The following CACNA1E variants were observed in gnomAD, a reference collection of about 807,000 sequenced individuals.
CACNA1E encodes the protein calcium voltage-gated channel subunit alpha1 E.
CACNA1E carries 40 observed loss-of-function variants against 259.2 expected under a neutral mutation model. That is an observed-to-expected ratio of 0.15 (90% CI 0.12 to 0.20). CACNA1E has a LOEUF of 0.20. Among genes scored for constraint, CACNA1E ranks in the 10% least tolerant of loss-of-function variants. The pLI is 1.00. For missense variants in CACNA1E, 1,874 were observed against 3,040.1 expected (o/e 0.62, Z 9.02); for synonymous variants, 1,104 against 1,138.5 (o/e 0.97, Z 0.61).
At chr1:181,544,976 G>A (rs1048535693) in intron 3 of CACNA1E, among the ~76,000 whole-genome samples, 16 of 152,208 alleles carry the variant, frequency 1.1e-4, no homozygotes, top group South Asian at 2.1e-4. Context: ...AATCTTCTGA[G>A]GTTCTTGTTT....
chr1:181,438,097 G>A (rs1469659819), intron 2 of CACNA1E, among the ~76,000 whole-genome samples: 1 of 152,158 alleles, frequency 6.6e-6, no homozygotes, highest in Non-Finnish European at 1.5e-5. Context: ...ACAGTTAAGG[G>A]AGGTGTGTGG....
intron 2 of CACNA1E, among the ~76,000 whole-genome samples, chr1:181,426,623 AAC>A (rs1659243225): frequency 7.1e-6 from 1 of 141,544 alleles, no homozygotes; most frequent in Non-Finnish European, 1.5e-5. Flanking sequence ...ACCCCTTCCC[AAC>A]TCAACCCCTT....
At chr1:181,405,149 G>C (rs565362915) in intron 1 of CACNA1E, among the ~76,000 whole-genome samples, 1 of 152,204 alleles carries the variant, frequency 6.6e-6, no homozygotes, top group African/African-American at 2.4e-5. Context: ...CAGTACCAAC[G>C]TACTCCCTTT....
chr1:181,780,318 T>G (rs1660315360), intron 38 of CACNA1E, among the ~76,000 whole-genome samples: 1 of 152,198 alleles, frequency 6.6e-6, no homozygotes, highest in African/African-American at 2.4e-5. Flanking sequence ...ACCAAGGATA[T>G]TGTTCAGGGG....
chr1:181,715,281 C>A, intron 8 of CACNA1E, 57 bp from the exon 9 acceptor site: 2 of 1,074,622 alleles, frequency 1.9e-6, no homozygotes, highest in Non-Finnish European at 2.8e-6. Flanking sequence ...GGATTTTAAT[C>A]TTGCAGAATA....
chr1:181,446,009 G>C (rs1660766049), intron 2 of CACNA1E, among the ~76,000 whole-genome samples: 1 of 152,142 alleles, frequency 6.6e-6, no homozygotes, highest in East Asian at 1.9e-4. Flanking sequence ...TTCTGCAAAT[G>C]ACTGTCACTC....
rs1317105349 is a variant in CACNA1E, at chr1:181,794,950, C to T, written c.6114C>T (p.Ser2038=). Residue 2038 remains serine (S), a synonymous_variant, in exon 46 of 48, where the codon TCC becomes TCT. Transcript: ENST00000367573. ...RSNSSWLEEF[S]MERSSENTYK... ...ATTCCTCGTGGTTGGAGGAATTCTC[C>T]ATGGAGCGAAGCAGTGAAAATACCT... The T allele has an allele frequency of 6.2e-7, 1 of 1,613,890 alleles. No homozygotes were observed. Among genetic ancestry groups the T allele is most frequent in the East Asian group, 2.2e-5 (1 of 44,870 alleles).
intron 2 of CACNA1E, among the ~76,000 whole-genome samples, chr1:181,434,324 AT>A (rs1208526345): frequency 6.6e-6 from 1 of 151,940 alleles, no homozygotes; most frequent in Non-Finnish European, 1.5e-5. Context: ...AAGTGGCTTA[AT>A]TTTTTTTACT....
chr1:181,582,987 A>G (rs988565586), intron 6 of CACNA1E, among the ~76,000 whole-genome samples: 4 of 152,072 alleles, frequency 2.6e-5, no homozygotes, highest in African/African-American at 7.2e-5. Context: ...CAGTCATTGA[A>G]CTTGAGTTTA....
intron 2 of CACNA1E, among the ~76,000 whole-genome samples, chr1:181,449,447 C>A (rs752211175): frequency 1.1e-4 from 16 of 152,216 alleles, no homozygotes; most frequent in Admixed American, 2.0e-4. Flanking sequence ...GACAGGCTGG[C>A]AGCACACCAC....
At chr1:181,419,707 C>A (rs1484410135) in intron 2 of CACNA1E, among the ~76,000 whole-genome samples, 1 of 152,160 alleles carries the variant, frequency 6.6e-6, no homozygotes, top group Admixed American at 6.5e-5. Flanking sequence ...ATGAAGTAAA[C>A]ATATTGAGGG....
intron 11 of CACNA1E, 70 bp from the exon 12 acceptor site, chr1:181,717,985 G>A: frequency 1.4e-6 from 1 of 724,892 alleles, no homozygotes; most frequent in East Asian, 2.6e-5. Context: ...CTGTAGGTGG[G>A]TGTGTTAGCT....
chr1:181,682,487 T>A (rs1312948461), intron 7 of CACNA1E, among the ~76,000 whole-genome samples: 1 of 152,114 alleles, frequency 6.6e-6, no homozygotes, highest in African/African-American at 2.4e-5. Context: ...ACTCTCATTG[T>A]CCCTCCCAGC....
At chr1:181,620,113 C>A (rs969264191) in intron 6 of CACNA1E, among the ~76,000 whole-genome samples, 3 of 152,002 alleles carry the variant, frequency 2.0e-5, no homozygotes, top group Non-Finnish European at 4.4e-5. Flanking sequence ...TAGTATATGG[C>A]CAAGATAGGG....
chr1:181,483,501 C>CTT (rs111237511), upstream of CACNA1E: 349 of 210,740 alleles, frequency 1.7e-3, 1 homozygote, highest in African/African-American at 6.6e-3. Context: ...TTTCTTTTTT[C>CTT]TTTTTTTTTT....
At chr1:181,334,840 A>G (rs911623123) in intron 1 of CACNA1E, among the ~76,000 whole-genome samples, 6 of 152,184 alleles carry the variant, frequency 3.9e-5, no homozygotes, top group South Asian at 4.1e-4. Context: ...GAAACCATCC[A>G]GTGTCTTCCC....
intron 1 of CACNA1E, among the ~76,000 whole-genome samples, chr1:181,331,210 T>C (rs1348027568): frequency 6.7e-6 from 1 of 149,982 alleles, no homozygotes; most frequent in Non-Finnish European, 1.5e-5. Context: ...AGAGAATCAA[T>C]AGGAGATAGA....
At chr1:181,515,551 AAC>A (rs1439717828) in intron 3 of CACNA1E, among the ~76,000 whole-genome samples, 18 of 152,326 alleles carry the variant, frequency 1.2e-4, no homozygotes, top group African/African-American at 4.3e-4. Context: ...CCATTCTTTT[AAC>A]ACATTCTTAT....
intron 3 of CACNA1E, among the ~76,000 whole-genome samples, chr1:181,546,335 C>G (rs1647470651): frequency 6.6e-6 from 1 of 152,158 alleles, no homozygotes; most frequent in African/African-American, 2.4e-5. Context: ...TGCCCTTCCT[C>G]TGCCTTATGG....
Sources: gnomAD v4.1 joint callset for allele counts (sites outside exome capture counted in the v4.1 genomes callset) on GRCh38, gnomAD v4.1.1 for gene constraint, MANE v1.5 for transcripts, NCBI Gene and HGNC (gene_info 2026-07-23, HGNC 2026-07-21) for gene names.